Variants in MCTP1 observed in about 807,000 individuals in gnomAD.
MCTP1 encodes multiple C2 and transmembrane domain-containing protein 1.
Under a neutral mutation model 120.6 loss-of-function variants are expected in MCTP1, and 69 were observed. The observed-to-expected ratio is 0.57, with a 90% confidence interval of 0.47 to 0.70. The LOEUF is 0.70. MCTP1 is among the 30% of genes least tolerant of loss of function. The probability of loss-of-function intolerance (pLI) is 0.00; values close to 1 mark genes in which losing one functional copy is unlikely to be tolerated. For synonymous variants in MCTP1, 529 were observed against 493.1 expected (o/e 1.07, Z -0.96); for missense variants, 1,203 against 1,248.8 (o/e 0.96, Z 0.55).
chr5:94,866,234 T>C (rs139159698), intron 17 of MCTP1, among the ~76,000 whole-genome samples: 186 of 152,010 alleles, frequency 1.2e-3, no homozygotes, highest in African/African-American at 4.3e-3. Flanking sequence ...GTCAGCTATT[T>C]ATACTGGGAG....
chr5:94,810,974 A>C (rs757913244), intron 17 of MCTP1, among the ~76,000 whole-genome samples: 1 of 152,182 alleles, frequency 6.6e-6, no homozygotes, highest in Non-Finnish European at 1.5e-5. Context: ...AATATCATAC[A>C]TTTCAGCTAT....
chr5:95,040,453 AAAAAG>A (rs1489442364), intron 1 of MCTP1, among the ~76,000 whole-genome samples: 4 of 151,970 alleles, frequency 2.6e-5, no homozygotes, highest in African/African-American at 9.7e-5. Context: ...AAAAAAAAAA[AAAAAG>A]AAAGAAATTT....
At chr5:94,808,592 T>C (rs941066158) in intron 17 of MCTP1, among the ~76,000 whole-genome samples, 2 of 152,160 alleles carry the variant, frequency 1.3e-5, no homozygotes, top group African/African-American at 4.8e-5. Flanking sequence ...TTCAACCAGA[T>C]ACCAAACTGA....
At chr5:94,994,585 T>G (rs1039826857) in intron 2 of MCTP1, among the ~76,000 whole-genome samples, 7 of 152,182 alleles carry the variant, frequency 4.6e-5, no homozygotes, top group African/African-American at 1.7e-4. Flanking sequence ...TGCCTGTGAC[T>G]GCAAGTGATT....
intron 19 of MCTP1, among the ~76,000 whole-genome samples, chr5:94,736,563 T>C (rs1173242056): frequency 4.6e-5 from 7 of 152,218 alleles, no homozygotes; most frequent in Admixed American, 2.0e-4. Flanking sequence ...AATGTAAATA[T>C]AGATTAACCC....
At chr5:94,760,139 C>T (rs1014412574) in intron 19 of MCTP1, among the ~76,000 whole-genome samples, 2 of 151,988 alleles carry the variant, frequency 1.3e-5, no homozygotes, top group Non-Finnish European at 2.9e-5. Flanking sequence ...TAGATTTCCA[C>T]TGACATAATT....
chr5:95,010,506 T>G (rs1835725937), intron 2 of MCTP1, among the ~76,000 whole-genome samples: 1 of 152,194 alleles, frequency 6.6e-6, no homozygotes, highest in Non-Finnish European at 1.5e-5. Flanking sequence ...TATCTGTTAT[T>G]CATAGATGGG....
chr5:95,235,274 G>C (rs1236191010), intron 1 of MCTP1, among the ~76,000 whole-genome samples: 1 of 151,592 alleles, frequency 6.6e-6, no homozygotes, highest in Admixed American at 6.6e-5. Context: ...ATTTATTCCT[G>C]ATAAAAACTC....
intron 1 of MCTP1, chr5:95,081,871 A>C (rs1343753963): frequency 2.0e-5 from 20 of 992,062 alleles, no homozygotes; most frequent in Non-Finnish European, 2.4e-5. Flanking sequence ...CCTCATGGCA[A>C]AAGCCACAAC....
Position 94,992,401 on chromosome 5 carries a change from T to C in MCTP1, c.838+24966A>G, listed in dbSNP as rs561005255. Among the ~76,000 whole-genome samples the C allele has an allele frequency of 2.8e-4, 42 of 152,178 alleles. 1 individual carries two copies. The highest frequency in any genetic ancestry group is 3.4e-3 in the Middle Eastern group (1 of 294). ...AATCCCATCTACTCTTTAGAACAAG[T>C]GTAGGAGGCAGATGCTTTTGTTATC... On this transcript the variant is annotated intron_variant, in intron 2 of 22. Coordinates refer to ENST00000515393, the MANE Select transcript of MCTP1 (RefSeq NM_024717.7).
chr5:94,823,044 A>G (rs968061884), intron 17 of MCTP1, among the ~76,000 whole-genome samples: 1 of 151,960 alleles, frequency 6.6e-6, no homozygotes, highest in Non-Finnish European at 1.5e-5. Context: ...CAGGAGCTCT[A>G]TGGTTTAATT....
At chr5:95,224,059 T>C (rs1019161126) in intron 1 of MCTP1, among the ~76,000 whole-genome samples, 1 of 152,116 alleles carries the variant, frequency 6.6e-6, no homozygotes, top group Non-Finnish European at 1.5e-5. Context: ...ACAGTACAAA[T>C]AGGGGAAACT....
At chr5:95,121,936 CAAAAA>C (rs70978167) in intron 1 of MCTP1, among the ~76,000 whole-genome samples, 5 of 112,746 alleles carry the variant, frequency 4.4e-5, no homozygotes, top group Non-Finnish European at 7.0e-5. Context: ...TATCCATATG[CAAAAA>C]AAAAAAAAAA....
intron 2 of MCTP1, among the ~76,000 whole-genome samples, chr5:95,002,346 C>T (rs1833898907): frequency 6.6e-6 from 1 of 152,130 alleles, no homozygotes; most frequent in South Asian, 2.1e-4. Context: ...TCCTCCAGAT[C>T]CCAGAATGGT....
chr5:95,030,615 T>C (rs1840105535), intron 1 of MCTP1, among the ~76,000 whole-genome samples: 1 of 152,126 alleles, frequency 6.6e-6, no homozygotes, highest in Admixed American at 6.5e-5. Flanking sequence ...ATAAGTCAAC[T>C]GATTATATGC....
intron 19 of MCTP1, among the ~76,000 whole-genome samples, chr5:94,724,914 G>C (rs1041054892): frequency 1.3e-5 from 2 of 151,962 alleles, no homozygotes; most frequent in African/African-American, 4.8e-5. Context: ...AACTCTGATA[G>C]AAGCCACAAC....
chr5:94,993,083 C>T (rs1481585892), intron 2 of MCTP1, among the ~76,000 whole-genome samples: 1 of 152,150 alleles, frequency 6.6e-6, no homozygotes, highest in Non-Finnish European at 1.5e-5. Context: ...TTCAATTCAA[C>T]TAGGATTTAT....
At chr5:95,229,718 G>T (rs1216163700) in intron 1 of MCTP1, among the ~76,000 whole-genome samples, 1 of 151,466 alleles carries the variant, frequency 6.6e-6, no homozygotes, top group Non-Finnish European at 1.5e-5. Flanking sequence ...TCCAGCCTGG[G>T]TGACAGAATG....
At chr5:95,012,766 T>C (rs1331506740) in intron 2 of MCTP1, among the ~76,000 whole-genome samples, 1 of 152,066 alleles carries the variant, frequency 6.6e-6, no homozygotes. Flanking sequence ...CGACCAGCTG[T>C]TATCCATCTC....
Sources: gnomAD v4.1 joint callset for allele counts (sites outside exome capture counted in the v4.1 genomes callset) on GRCh38, gnomAD v4.1.1 for gene constraint, MANE v1.5 for transcripts, NCBI Gene and HGNC (gene_info 2026-07-23, HGNC 2026-07-21) for gene names.